The following JAK2 variants were observed in gnomAD, a reference collection of about 807,000 sequenced individuals.
The protein encoded by JAK2 is tyrosine-protein kinase JAK2.
JAK2 carries 86 observed loss-of-function variants against 139.3 expected under a neutral mutation model. The ratio of observed to expected loss-of-function variants is 0.62; its 90% CI spans 0.52 to 0.74. The LOEUF is 0.74. Ranked by LOEUF, JAK2 falls within the 30% of genes least tolerant of loss-of-function variation. The pLI is 0.00. For missense variants in JAK2, 1,421 were observed against 1,360.3 expected (o/e 1.04, Z -0.70); for synonymous variants, 490 against 437.7 (o/e 1.12, Z -1.49).
intron 5 of JAK2, 33 bp from the exon 6 acceptor site, chr9:5,050,653 G>A (rs1448971577): frequency 2.5e-6 from 4 of 1,586,560 alleles, no homozygotes; most frequent in Non-Finnish European, 2.6e-6. Flanking sequence ...TGAAACTTAC[G>A]ATGAGATATT....
At position 5,022,091 on chromosome 9, in the gene JAK2, T is replaced by A; in HGVS notation, c.104T>A (p.Ile35Lys). The change falls in exon 3 of 25, where the codon ATA becomes AAA. Residue 35 changes from isoleucine (I) to lysine (K), a missense_variant. By Grantham distance (102) the Ile-to-Lys change is moderately radical (BLOSUM62 -3). Transcript: ENST00000381652. ...GGAAATGCCAATTCTATGAAGCAAA[T>A]AGATCCAGTTCTTCAGGTGTATCTT... ...ISGNANSMKQIDPVLQVYLYH... is the reference protein window; with the variant it reads ...ISGNANSMKQKDPVLQVYLYH... The A allele has an allele frequency of 6.2e-7, 1 of 1,613,774 alleles. No individual in the cohort carries two copies. Among genetic ancestry groups the A allele is most frequent in the African/African-American group, 1.3e-5 (1 of 75,020 alleles).
chr9:5,008,228 A>T (rs1271559779), intron 2 of JAK2, among the ~76,000 whole-genome samples: 2 of 152,120 alleles, frequency 1.3e-5, no homozygotes, highest in Non-Finnish European at 2.9e-5. Context: ...TGCTTGTTCC[A>T]TTGTTTATGT....
intron 8 of JAK2, among the ~76,000 whole-genome samples, chr9:5,056,530 A>G (rs564115167): frequency 2.0e-5 from 3 of 152,144 alleles, no homozygotes; most frequent in African/African-American, 4.8e-5. Context: ...AACTCACTTA[A>G]TTCAGCATAG....
chr9:5,022,972 A>G (rs1162823212), intron 3 of JAK2, among the ~76,000 whole-genome samples: 1 of 152,254 alleles, frequency 6.6e-6, no homozygotes, highest in African/African-American at 2.4e-5. Flanking sequence ...TAAGATCAGT[A>G]TAGGTCAGAA....
At chr9:5,063,753 T>C (rs1818351069) in intron 8 of JAK2, among the ~76,000 whole-genome samples, 1 of 152,218 alleles carries the variant, frequency 6.6e-6, no homozygotes, top group Non-Finnish European at 1.5e-5. Flanking sequence ...AAATGGGGCT[T>C]TTTTCATTAT....
At chr9:5,051,865 C>T (rs1039112592) in intron 6 of JAK2, among the ~76,000 whole-genome samples, 3 of 151,814 alleles carry the variant, frequency 2.0e-5, no homozygotes, top group African/African-American at 7.3e-5. Context: ...TTTAAATATT[C>T]TTGTTTTACT....
chr9:5,063,002 A>C (rs1210315527), intron 8 of JAK2, among the ~76,000 whole-genome samples: 2 of 151,844 alleles, frequency 1.3e-5, no homozygotes, highest in African/African-American at 4.8e-5. Context: ...AAGTCTTTTA[A>C]TTTTGTTTAG....
Position 5,069,169 on chromosome 9 carries a change from A to G in JAK2, c.1474A>G (p.Ile492Val). 3 of 1,610,144 alleles carry G rather than the reference A, an allele frequency of 1.9e-6. No homozygotes were observed. Among genetic ancestry groups the G allele is most frequent in the Non-Finnish European group, 2.5e-6 (3 of 1,178,766 alleles). ...GGAAACTGTTCGCTCAGACAATATA[A>G]TTTTCCAGTTTACTAAATGCTGTCC... ...QMETVRSDNI[I>V]FQFTKCCPPK... The change falls in exon 11 of 25, where the codon ATT becomes GTT. Residue 492 changes from isoleucine to valine, a missense_variant. Physicochemically the swap from Ile to Val is conservative, Grantham distance 29 (BLOSUM62 3). Transcript: ENST00000381652.
chr9:5,123,102 A>T lies in JAK2; in HGVS notation c.3158A>T (p.Lys1053Met). The change falls in exon 23 of 25, where the codon AAG becomes ATG. Residue 1053 changes from lysine (K) to methionine (M), a missense_variant. Physicochemically the swap from Lys to Met is moderately conservative, Grantham distance 95. Transcript: ENST00000381652. Reference protein sequence around the residue: ...VLYELFTYIEKSKSPPAEFMR... With the variant: ...VLYELFTYIEMSKSPPAEFMR... The stretch of plus-strand genomic sequence containing the variant: ...TATGAACTTTTCACATACATTGAGA[A>T]GAGTAAAAGTCCACCAGCGGTCAGT... 1 of 1,603,000 alleles carries T rather than the reference A, an allele frequency of 6.2e-7. No homozygotes were observed. The highest frequency in any genetic ancestry group is 8.5e-7 in the Non-Finnish European group (1 of 1,173,608).
At chr9:5,110,098 C>G (rs563253355) in intron 22 of JAK2, 1 of 152,270 alleles carries the variant, frequency 6.6e-6, no homozygotes, top group East Asian at 1.9e-4. Flanking sequence ...AATCCCCTTC[C>G]ATTAATTCGC....
chr9:5,112,194 C>T (rs1207330108), intron 22 of JAK2: 3 of 269,002 alleles, frequency 1.1e-5, no homozygotes, highest in Admixed American at 4.7e-5. Flanking sequence ...CCTTGGGCTT[C>T]GCCGGCCCCA....
rs554564922 is a variant in JAK2 at position 5,054,077 on chromosome 9, T to C, written c.615-486T>C. Among the ~76,000 whole-genome samples the C allele has an allele frequency of 1.3e-5, 2 of 152,178 alleles. No homozygotes were observed. Among genetic ancestry groups the C allele is most frequent in the South Asian group, 4.1e-4 (2 of 4,828 alleles). ...GAATTATTAGGAGTTGAAGCTGGCC[T>C]AACAAAATAATATACAGAAGTATGT... On this transcript the variant is annotated intron_variant, in intron 6 of 24. Transcript: ENST00000381652. The surrounding 1 kb of genome is among the most constrained non-coding windows in gnomAD (Gnocchi z 4.9).
At chr9:5,035,485 C>T (rs1053234543) in intron 4 of JAK2, among the ~76,000 whole-genome samples, 2 of 152,072 alleles carry the variant, frequency 1.3e-5, no homozygotes, top group Non-Finnish European at 1.5e-5. Flanking sequence ...AAATCCTCAA[C>T]AAAATACTGG....
At chr9:5,043,411 G>T (rs1041701343) in intron 4 of JAK2, among the ~76,000 whole-genome samples, 15 of 152,038 alleles carry the variant, frequency 9.9e-5, no homozygotes, top group African/African-American at 3.6e-4. Context: ...GATAATAATA[G>T]GTCTACAAGG....
intron 22 of JAK2, chr9:5,100,480 G>C (rs556248873): frequency 1.3e-5 from 2 of 152,154 alleles, no homozygotes; most frequent in Non-Finnish European, 2.9e-5. Flanking sequence ...CTCCAATATG[G>C]AATAATTCTA....
At chr9:4,988,267 G>T (rs1820075387) in intron 2 of JAK2, among the ~76,000 whole-genome samples, 1 of 152,124 alleles carries the variant, frequency 6.6e-6, no homozygotes, top group Non-Finnish European at 1.5e-5. Flanking sequence ...TTGGTTCATG[G>T]TTTCAATATT....
At chr9:5,016,247 C>G (rs1268678951) in intron 2 of JAK2, among the ~76,000 whole-genome samples, 5 of 152,194 alleles carry the variant, frequency 3.3e-5, no homozygotes, top group African/African-American at 1.2e-4. Context: ...TGCCTTGTGA[C>G]TGACTGGATC....
chr9:5,103,338 T>C (rs929204245), intron 22 of JAK2, among the ~76,000 whole-genome samples: 1 of 135,046 alleles, frequency 7.4e-6, no homozygotes. Flanking sequence ...CATTACATAA[T>C]GGTAAAAGGA....
chr9:4,988,207 CTG>C (rs1563907576), intron 2 of JAK2, among the ~76,000 whole-genome samples: 2 of 152,196 alleles, frequency 1.3e-5, no homozygotes, highest in Admixed American at 6.5e-5. Flanking sequence ...GTTTCCCAAA[CTG>C]TGTGCCAAGG....
Sources: allele counts gnomAD v4.1 joint callset (sites outside exome capture counted in the v4.1 genomes callset), GRCh38; gene constraint gnomAD v4.1.1; non-coding constraint Gnocchi (gnomAD v3.1); transcripts MANE v1.5; gene names NCBI Gene and HGNC (gene_info 2026-07-23, HGNC 2026-07-21).